The following FRYL variants were observed in gnomAD, a reference collection of about 807,000 sequenced individuals.
FRYL encodes protein furry homolog-like.
Under a neutral mutation model 351.2 loss-of-function variants are expected in FRYL, and 150 were observed. That is an observed-to-expected ratio of 0.43 (90% CI 0.37 to 0.49). The LOEUF is 0.49. FRYL is among the 20% of genes least tolerant of loss of function. The pLI, the probability that FRYL is intolerant of heterozygous loss-of-function variation, is 0.00. For synonymous variants in FRYL, 1,153 were observed against 1,257.1 expected, an observed-to-expected ratio of 0.92 and a Z score of 1.75; for missense variants, 3,036 against 3,619.3, an observed-to-expected ratio of 0.84 and a Z score of 4.13.
At chr4:48,779,760 G>A (rs558184397) in intron 1 of FRYL, among the ~76,000 whole-genome samples, 2 of 152,042 alleles carry the variant, frequency 1.3e-5, no homozygotes, top group South Asian at 4.1e-4. Context: ...GCCAGGCACT[G>A]GAGGGGAAGG....
chr4:48,583,723 T>C (rs1741444741), intron 19 of FRYL, among the ~76,000 whole-genome samples: 1 of 151,834 alleles, frequency 6.6e-6, no homozygotes. Context: ...GCCAACATGA[T>C]GAAATCCCGT....
chr4:48,645,271 T>C (rs1756242620), intron 3 of FRYL, among the ~76,000 whole-genome samples: 1 of 151,476 alleles, frequency 6.6e-6, no homozygotes, highest in Non-Finnish European at 1.5e-5. Flanking sequence ...AGTACAGCGC[T>C]GTGGAGAAGG....
At position 48,605,793 on chromosome 4, in the gene FRYL, A is replaced by T. The variant is rs1746662367; in HGVS notation, c.782T>A (p.Ile261Lys). The part of the protein sequence containing the change: ...QYFLEVKDKD[I>K]KHALAGLFVE... ...AAATAAACCAGCAAGTGCATGTTTT[A>T]TATCTTTATCTTTCACTTCTAAGAA... is the stretch of plus-strand genomic sequence containing the variant. Residue 261 changes from isoleucine (I) to lysine (K), a missense_variant, in exon 11 of 64, where the codon ATA becomes AAA. This residue lies in a region of FRYL where 457 missense variants were observed against 566.6 expected (regional missense o/e 0.81). Coordinates refer to ENST00000358350, the MANE Select transcript of FRYL (RefSeq NM_015030.2). 1 of 1,608,466 alleles carries T rather than the reference A, an allele frequency of 6.2e-7. No individual in the cohort carries two copies. The highest frequency in any genetic ancestry group is 1.3e-5 in the African/African-American group (1 of 74,790).
intron 49 of FRYL, among the ~76,000 whole-genome samples, chr4:48,533,160 C>T (rs932730491): frequency 6.6e-6 from 1 of 151,956 alleles, no homozygotes; most frequent in Non-Finnish European, 1.5e-5. Context: ...TGTCCACTGG[C>T]AAGTTGAGCT....
intron 56 of FRYL, 148 bp from the exon 57 acceptor site, chr4:48,512,836 TAAGA>T (rs1722764291): frequency 1.3e-5 from 8 of 613,288 alleles, no homozygotes; most frequent in Non-Finnish European, 2.3e-5. Context: ...CTAAATCTTG[TAAGA>T]AAGTGTGAAT....
At chr4:48,573,483 T>C (rs1273702458) in intron 25 of FRYL, among the ~76,000 whole-genome samples, 1 of 152,236 alleles carries the variant, frequency 6.6e-6, no homozygotes, top group Non-Finnish European at 1.5e-5. Context: ...ACTACCAATA[T>C]TTTTATTCAA....
At position 48,595,999 on chromosome 4, in the gene FRYL, T is replaced by C; in HGVS notation, c.1037A>G (p.Asn346Ser). The part of the protein sequence containing the change: ...FLQNCLSHLK[N>S]KDPKMSRVAL... The stretch of plus-strand genomic sequence containing the variant: ...AACTCGAGACATTTTCGGATCTTTA[T>C]TCTGTTTTAAAACAAAAGAGAATAA... The change falls in exon 14 of 64, where the codon AAT becomes AGT. Residue 346 changes from asparagine to serine, a missense_variant and splice_region_variant. Asn to Ser is a conservative substitution (Grantham distance 46). This residue lies in a region of FRYL where 457 missense variants were observed against 566.6 expected (regional missense o/e 0.81). Coordinates refer to ENST00000358350, the MANE Select transcript of FRYL (RefSeq NM_015030.2). 3 of 1,586,038 alleles carry C rather than the reference T, an allele frequency of 1.9e-6. No individual in the cohort carries two copies. The highest frequency in any genetic ancestry group is 2.6e-6 in the Non-Finnish European group (3 of 1,163,664).
At chr4:48,775,794 C>T (rs1029234132) in intron 1 of FRYL, among the ~76,000 whole-genome samples, 6 of 152,152 alleles carry the variant, frequency 3.9e-5, no homozygotes, top group Non-Finnish European at 7.3e-5. Context: ...ACTGTTCAGG[C>T]ACACAGGTTT....
intron 55 of FRYL, among the ~76,000 whole-genome samples, chr4:48,519,261 C>T (rs1462681037): frequency 6.6e-6 from 1 of 152,102 alleles, no homozygotes; most frequent in Non-Finnish European, 1.5e-5. Flanking sequence ...CCTCTCCCTC[C>T]TCCCATTTTA....
intron 49 of FRYL, among the ~76,000 whole-genome samples, chr4:48,532,437 C>A (rs1272450744): frequency 3.3e-5 from 5 of 152,174 alleles, no homozygotes; most frequent in Non-Finnish European, 7.4e-5. Flanking sequence ...GCAGGCAGAC[C>A]ACTTGAGGTC....
intron 55 of FRYL, 92 bp from the exon 56 acceptor site, chr4:48,515,367 G>C (rs1158242856): frequency 2.2e-6 from 2 of 917,728 alleles, no homozygotes; most frequent in Non-Finnish European, 3.2e-6. Flanking sequence ...ATCTAAGTCT[G>C]TTTTATTAAG....
chr4:48,761,003 CTGTCTGTG>C (rs1195506863), intron 1 of FRYL, among the ~76,000 whole-genome samples: 40 of 121,688 alleles, frequency 3.3e-4, no homozygotes, highest in African/African-American at 9.4e-4. Context: ...TATTATTACT[CTGTCTGTG>C]TGTGTGTGTG....
intron 2 of FRYL, among the ~76,000 whole-genome samples, chr4:48,706,938 A>C (rs754513641): frequency 6.6e-6 from 1 of 152,092 alleles, no homozygotes; most frequent in South Asian, 2.1e-4. Flanking sequence ...GAGTTGTGGG[A>C]TGATTGCAGC....
At chr4:48,712,468 G>C (rs530306292) in intron 1 of FRYL, among the ~76,000 whole-genome samples, 13 of 152,342 alleles carry the variant, frequency 8.5e-5, no homozygotes, top group Non-Finnish European at 1.6e-4. Flanking sequence ...AAGGGTATCA[G>C]CGATGGAAGA....
intron 3 of FRYL, chr4:48,637,874 AAAG>A (rs1241889989): frequency 6.6e-6 from 1 of 152,172 alleles, no homozygotes; most frequent in African/African-American, 2.4e-5. Context: ...ATTCAGTCAA[AAAG>A]AAGAGACAAG....
chr4:48,603,790 T>C (rs1427557221), intron 11 of FRYL, among the ~76,000 whole-genome samples: 1 of 152,188 alleles, frequency 6.6e-6, no homozygotes, highest in Non-Finnish European at 1.5e-5. Flanking sequence ...ACCATGTGCA[T>C]GGGGACCCAG....
rs140314576 is a variant in FRYL at position 48,726,403 on chromosome 4, C to T, written c.-383-15705G>A. On this transcript the variant is annotated intron_variant, in intron 1 of 63. Transcript: ENST00000358350. ...ACCTATAAATTTCCACAGATGCGGG[C>T]GGGTGCAGTGGCTCATGCCTGTAAT... 5.3e-3 allele frequency among the ~76,000 whole-genome samples: 801 copies of T among 152,224 alleles called. 25 individuals carry two copies. The highest frequency in any genetic ancestry group is 0.045 in the Admixed American group (686 of 15,282).
At chr4:48,660,019 A>C (rs1760378874) in intron 3 of FRYL, among the ~76,000 whole-genome samples, 1 of 151,718 alleles carries the variant, frequency 6.6e-6, no homozygotes, top group African/African-American at 2.4e-5. Context: ...CTCCTTGGAG[A>C]AATTCTAGGA....
intron 59 of FRYL, among the ~76,000 whole-genome samples, chr4:48,508,379 A>C (rs763625942): frequency 1.2e-4 from 18 of 152,222 alleles, no homozygotes; most frequent in Non-Finnish European, 2.2e-4. Flanking sequence ...GAGTCTTCTA[A>C]TTGATAAACA....
Sources: allele counts gnomAD v4.1 joint callset (sites outside exome capture counted in the v4.1 genomes callset), GRCh38; gene constraint gnomAD v4.1.1; regional missense constraint gnomAD v4.1.1; transcripts MANE v1.5; gene names NCBI Gene and HGNC (gene_info 2026-07-23, HGNC 2026-07-21).